The following PDS5A variants were observed in gnomAD, a reference collection of about 807,000 sequenced individuals.
PDS5A encodes the protein PDS5 cohesin associated factor A.
PDS5A carries 42 observed loss-of-function variants against 167.1 expected under a neutral mutation model. That is an observed-to-expected ratio of 0.25 (90% CI 0.20 to 0.33). The LOEUF (loss-of-function observed/expected upper bound fraction) is 0.33, where lower values mean the gene tolerates loss of function less well. Among genes scored for constraint, PDS5A ranks in the 10% least tolerant of loss-of-function variants. The probability of loss-of-function intolerance (pLI) is 1.00; values close to 1 mark genes in which losing one functional copy is unlikely to be tolerated. For missense variants in PDS5A, 1,033 were observed against 1,605.9 expected, an observed-to-expected ratio of 0.64 and a Z score of 6.10; for synonymous variants, 553 against 554.6, an observed-to-expected ratio of 1.00 and a Z score of 0.04.
Position 39,825,162 on chromosome 4 carries a change from T to C in PDS5A, c.*323A>G. 3.8e-6 allele frequency: 1 copy of C among 261,722 alleles called. No homozygotes were observed. Among genetic ancestry groups the C allele is most frequent in the Middle Eastern group, 1.1e-3 (1 of 902 alleles). 16.2% of individuals were successfully genotyped at this position (261,722 alleles called of 1,614,324 possible). A position where few individuals can be genotyped will look rare whatever the true frequency, so the allele number is the denominator to read the frequency against. On this transcript the variant is annotated 3_prime_UTR_variant, in exon 33 of 33. Transcript: ENST00000303538. ...GTGGAAATTAATGGTGTATTACGCA[T>C]TTAAACTCCAGATAGGCAGGAACTG...
intron 32 of PDS5A, among the ~76,000 whole-genome samples, chr4:39,825,915 A>C (rs1715261821): frequency 6.6e-6 from 1 of 152,062 alleles, no homozygotes; most frequent in African/African-American, 2.4e-5. Context: ...ATGTTATCTA[A>C]AATCCTTAAA....
intron 2 of PDS5A, among the ~76,000 whole-genome samples, chr4:39,964,104 T>C (rs1729755273): frequency 6.6e-6 from 1 of 152,174 alleles, no homozygotes; most frequent in Non-Finnish European, 1.5e-5. Flanking sequence ...GTACTTCATA[T>C]ACTTTTCATG....
At position 39,824,635 on chromosome 4, in the gene PDS5A, A is replaced by C. The variant is rs992113649; in HGVS notation, c.*850T>G. Reference sequence around the variant, plus strand: ...TCTGGTGACAAACATTATAAAACCAAATGCTGGACAGTCTTTACTCCTTTA... The same window carrying C: ...TCTGGTGACAAACATTATAAAACCACATGCTGGACAGTCTTTACTCCTTTA... On this transcript the variant is annotated 3_prime_UTR_variant, in exon 33 of 33. Coordinates refer to ENST00000303538, the MANE Select transcript of PDS5A (RefSeq NM_001100399.2). 10 of 152,624 alleles carry C rather than the reference A, an allele frequency of 6.6e-5. No individual in the cohort carries two copies. Among genetic ancestry groups the C allele is most frequent in the Non-Finnish European group, 1.5e-4 (10 of 68,042 alleles). 9.5% of individuals were successfully genotyped at this position (152,624 alleles called of 1,614,324 possible). A position where few individuals can be genotyped will look rare whatever the true frequency, so the allele number is the denominator to read the frequency against.
intron 18 of PDS5A, among the ~76,000 whole-genome samples, chr4:39,879,327 C>A (rs1720745256): frequency 6.6e-6 from 1 of 152,036 alleles, no homozygotes; most frequent in Non-Finnish European, 1.5e-5. Context: ...CCCCTTTTTT[C>A]TAGTCATGCC....
intron 9 of PDS5A, among the ~76,000 whole-genome samples, chr4:39,913,084 ACTTT>A (rs1036250006): frequency 8.5e-5 from 10 of 118,334 alleles, no homozygotes; most frequent in East Asian, 5.1e-4. Context: ...TATTCTAATG[ACTTT>A]CTTTTTTTTT....
At chr4:39,845,904 G>T in intron 28 of PDS5A, 24 bp from the exon 29 acceptor site, 1 of 1,289,330 alleles carries the variant, frequency 7.8e-7, no homozygotes, top group Non-Finnish European at 1.0e-6. Context: ...AAAAGAAAAA[G>T]AAAAAAGAAA....
intron 19 of PDS5A, among the ~76,000 whole-genome samples, chr4:39,876,178 T>A (rs949262202): frequency 6.6e-6 from 1 of 152,164 alleles, no homozygotes; most frequent in South Asian, 2.1e-4. Context: ...GAAAAACTCA[T>A]CAAAAACTAT....
chr4:39,976,656 G>T, intron 1 of PDS5A, 39 bp from the exon 2 acceptor site: 2 of 1,076,284 alleles, frequency 1.9e-6, no homozygotes, highest in South Asian at 3.1e-5. Flanking sequence ...GGAAAGGGGC[G>T]ACTTTGTAAC....
At chr4:39,929,598 TA>T (rs1725817483) in intron 2 of PDS5A, among the ~76,000 whole-genome samples, 1 of 110,482 alleles carries the variant, frequency 9.1e-6, no homozygotes, top group Non-Finnish European at 1.8e-5. Flanking sequence ...ATACATATCC[TA>T]TTGGGGCGTG....
chr4:39,955,219 T>C (rs926482793), intron 2 of PDS5A, among the ~76,000 whole-genome samples: 12 of 152,112 alleles, frequency 7.9e-5, no homozygotes, highest in Non-Finnish European at 1.5e-4. Context: ...GAATAGAACA[T>C]TTGGGATTTA....
rs76487136 is a variant in PDS5A at position 39,927,207 on chromosome 4, G to C, written c.343-346C>G. The stretch of plus-strand genomic sequence containing the variant: ...GCAAAAACTATCTTCATTTTAAGGA[G>C]TTGGATATGAGTATTTCCATTACTA... On this transcript the variant is annotated intron_variant, in intron 3 of 32. Transcript: ENST00000303538. Among the ~76,000 whole-genome samples the C allele has an allele frequency of 3.5e-3, 533 of 152,264 alleles. 1 individual carries two copies. Among genetic ancestry groups the C allele is most frequent in the Non-Finnish European group, 4.7e-3 (318 of 68,018 alleles).
chr4:39,936,442 ATTAT>A lies in PDS5A; in HGVS notation c.139-8282_139-8279del, dbSNP rs200129225. ...AATGAAAGCACTATATTTATTATTT[ATTAT>A]TTATCTATTTGAGACAGTTTCGCTG... On this transcript the variant is annotated intron_variant, in intron 2 of 32. Transcript: ENST00000303538. Among the ~76,000 whole-genome samples the A allele has an allele frequency of 6.2e-3, 872 of 141,106 alleles. 9 individuals are homozygous for A. Among genetic ancestry groups the A allele is most frequent in the African/African-American group, 0.02 (801 of 40,580 alleles). 92.6% of individuals were successfully genotyped at this position (141,106 alleles called of 152,430 possible). A position where few individuals can be genotyped will look rare whatever the true frequency, so the allele number is the denominator to read the frequency against.
intron 23 of PDS5A, among the ~76,000 whole-genome samples, chr4:39,863,974 C>T (rs545478936): frequency 6.6e-6 from 1 of 151,670 alleles, no homozygotes; most frequent in South Asian, 2.1e-4. Context: ...ACTAAAAATA[C>T]AAAAAATTAG....
intron 3 of PDS5A, among the ~76,000 whole-genome samples, chr4:39,927,516 A>G (rs1401126875): frequency 6.6e-6 from 1 of 152,168 alleles, no homozygotes; most frequent in Non-Finnish European, 1.5e-5. Flanking sequence ...GATCAATGTT[A>G]AGAGTTCCAC....
intron 2 of PDS5A, among the ~76,000 whole-genome samples, chr4:39,935,602 T>C (rs1241406918): frequency 6.6e-6 from 1 of 152,216 alleles, no homozygotes; most frequent in East Asian, 1.9e-4. Flanking sequence ...TGTAGGCCTA[T>C]TTCTGGACTC....
intron 10 of PDS5A, 200 bp from the exon 11 acceptor site, chr4:39,908,740 T>A: frequency 1.8e-6 from 1 of 545,008 alleles, no homozygotes; most frequent in Non-Finnish European, 3.2e-6. Flanking sequence ...AACTCCCAAG[T>A]TGGCCAGGTG....
rs1421124294 is a variant in PDS5A at position 39,874,346 on chromosome 4, C to G, written c.2220G>C (p.Val740=). The change falls in exon 20 of 33, where the codon GTG becomes GTC. Residue 740 remains valine, a synonymous_variant. Coordinates refer to ENST00000303538, the MANE Select transcript of PDS5A (RefSeq NM_001100399.2). ...RGTPHQAKQA[V]HCIHAIFTNK... ...TTGTGAATATGGCGTGTATACAGTGCACAGCCTGTTTTGCTTGGTGTGGAG... is the reference window on the plus strand; with the variant it reads ...TTGTGAATATGGCGTGTATACAGTGGACAGCCTGTTTTGCTTGGTGTGGAG... 6.2e-7 allele frequency: 1 copy of G among 1,612,374 alleles called. No homozygotes were observed. The highest frequency in any genetic ancestry group is 1.1e-5 in the South Asian group (1 of 91,036).
intron 2 of PDS5A, among the ~76,000 whole-genome samples, chr4:39,956,979 C>T (rs547431069): frequency 1.3e-5 from 2 of 152,194 alleles, no homozygotes; most frequent in South Asian, 4.2e-4. Flanking sequence ...AGCCAAAAGA[C>T]ATTTTCTAAA....
In PDS5A at chr4:39,976,509, G is replaced by A. The variant is rs778590753; in HGVS notation, c.69C>T (p.Ile23=). The A allele has an allele frequency of 2.5e-6, 4 of 1,613,450 alleles. No individual in the cohort carries two copies. Among genetic ancestry groups the A allele is most frequent in the South Asian group, 1.1e-5 (1 of 91,066 alleles). Residue 23 remains isoleucine (I), a synonymous_variant, in exon 2 of 33, where the codon ATC becomes ATT. Coordinates refer to ENST00000303538, the MANE Select transcript of PDS5A (RefSeq NM_001100399.2). The part of the protein sequence containing the change: ...LCGVVSADGK[I]AYPPGVKEIT... ...TCTCTTTTACCCCCGGAGGGTAAGC[G>A]ATCTTCCCGTCGGCACTCACGACGC...
Sources: allele counts gnomAD v4.1 joint callset (sites outside exome capture counted in the v4.1 genomes callset), GRCh38; gene constraint gnomAD v4.1.1; transcripts MANE v1.5; gene names NCBI Gene and HGNC (gene_info 2026-07-23, HGNC 2026-07-21).